The following PTPRF variants were observed in gnomAD, a reference collection of about 807,000 sequenced individuals.
PTPRF encodes protein tyrosine phosphatase receptor type F, also known as receptor-type tyrosine-protein phosphatase F.
PTPRF carries 59 observed loss-of-function variants against 201.8 expected under a neutral mutation model. That is an observed-to-expected ratio of 0.29 (90% CI 0.24 to 0.36). The LOEUF is 0.36. Among genes scored for constraint, PTPRF ranks in the 10% least tolerant of loss-of-function variants. The pLI is 1.00. For synonymous variants in PTPRF, 1,088 were observed against 1,089.7 expected (o/e 1.00, Z 0.03); for missense variants, 2,132 against 2,690.5 (o/e 0.79, Z 4.59).
At chr1:43,531,518 C>CG (rs1487888448) in intron 1 of PTPRF, among the ~76,000 whole-genome samples, 1 of 147,094 alleles carries the variant, frequency 6.8e-6, no homozygotes, top group East Asian at 2.0e-4. Context: ...CCCCCAGCCC[C>CG]GGGCTCCGGG....
chr1:43,583,959 A>G (rs975707706), intron 7 of PTPRF, among the ~76,000 whole-genome samples: 38 of 152,176 alleles, frequency 2.5e-4, no homozygotes, highest in African/African-American at 8.5e-4. Context: ...GAGTAACTGA[A>G]CGGTCAGCTG....
At chr1:43,559,195 GTGC>G (rs1200235792) in intron 5 of PTPRF, among the ~76,000 whole-genome samples, 1 of 152,022 alleles carries the variant, frequency 6.6e-6, no homozygotes, top group Non-Finnish European at 1.5e-5. Context: ...TGCAGCAGGG[GTGC>G]TGCCTTGCAA....
intron 22 of PTPRF, among the ~76,000 whole-genome samples, chr1:43,611,147 TC>T (rs2154029243): frequency 6.6e-6 from 1 of 152,348 alleles, no homozygotes; most frequent in South Asian, 2.1e-4. Context: ...TGAGGCTTCT[TC>T]AGGTGGCCTG....
At chr1:43,532,943 C>T (rs748650767) in intron 1 of PTPRF, among the ~76,000 whole-genome samples, 15 of 152,166 alleles carry the variant, frequency 9.9e-5, no homozygotes, top group Admixed American at 2.0e-4. Context: ...GCCCGCATGC[C>T]GGCCAGGGCT....
At chr1:43,561,527 T>C (rs918138499) in intron 5 of PTPRF, among the ~76,000 whole-genome samples, 4 of 152,124 alleles carry the variant, frequency 2.6e-5, no homozygotes, top group African/African-American at 7.2e-5. Flanking sequence ...GTCAACTACC[T>C]GATTTGCAGC....
chr1:43,620,586 G>A lies in PTPRF; in HGVS notation c.5364+7G>A. 10 of 1,612,720 alleles carry A rather than the reference G, an allele frequency of 6.2e-6. No individual in the cohort carries two copies. Among genetic ancestry groups the A allele is most frequent in the Non-Finnish European group, 7.6e-6 (9 of 1,179,160 alleles). ...CAAGGTCACGGATGCCCGGGTGAGT[G>A]AGTGCATTGAGTGTGTCCATAACGC... On this transcript the variant is annotated splice_region_variant and intron_variant, in intron 31 of 33. Coordinates refer to ENST00000359947, the MANE Select transcript of PTPRF (RefSeq NM_002840.5).
intron 13 of PTPRF, among the ~76,000 whole-genome samples, chr1:43,599,344 G>T (rs891483754): frequency 6.6e-6 from 1 of 152,196 alleles, no homozygotes; most frequent in Non-Finnish European, 1.5e-5. Flanking sequence ...CCAGAGTGCT[G>T]AGAATACAGG....
chr1:43,618,805 TG>T, intron 26 of PTPRF, 56 bp downstream of exon 26: 1 of 1,572,870 alleles, frequency 6.4e-7, no homozygotes, highest in Admixed American at 1.7e-5. Context: ...GACAGTGGCC[TG>T]GGTGTGGTGT....
intron 5 of PTPRF, among the ~76,000 whole-genome samples, chr1:43,563,192 A>AT (rs1553179457): frequency 2.6e-4 from 33 of 128,386 alleles, no homozygotes; most frequent in African/African-American, 8.4e-4. Flanking sequence ...AAAAAAAAAA[A>AT]AATAAGATTA....
intron 5 of PTPRF, among the ~76,000 whole-genome samples, chr1:43,565,806 C>T (rs1646127239): frequency 1.3e-5 from 2 of 152,130 alleles, no homozygotes; most frequent in Admixed American, 6.5e-5. Context: ...CAGGCGGGGG[C>T]GGGAAGGGCG....
At chr1:43,592,063 A>AG in intron 10 of PTPRF, 115 bp downstream of exon 10, 1 of 1,445,144 alleles carries the variant, frequency 6.9e-7, no homozygotes, top group Non-Finnish European at 9.5e-7. Flanking sequence ...CACAGCCTCT[A>AG]AGGTTTCTGC....
At chr1:43,595,175 G>A (rs1324617757) in intron 11 of PTPRF, among the ~76,000 whole-genome samples, 1 of 152,110 alleles carries the variant, frequency 6.6e-6, no homozygotes, top group African/African-American at 2.4e-5. Context: ...AGAGGGCCGT[G>A]GAGCTGAGGG....
In PTPRF at chr1:43,591,213, A is replaced by G; in HGVS notation, c.1191A>G (p.Arg397=). 6.2e-7 allele frequency: 1 copy of G among 1,604,788 alleles called. No homozygotes were observed. Among genetic ancestry groups the G allele is most frequent in the Non-Finnish European group, 8.5e-7 (1 of 1,175,606 alleles). ...FRVLAVNSIG[R]GPPSEAVRAR... ...TGCTGGCGGTGAACAGCATCGGGCGAGGGCCGCCCAGCGAGGCAGTGCGGG... is the reference window on the plus strand; with the variant it reads ...TGCTGGCGGTGAACAGCATCGGGCGGGGGCCGCCCAGCGAGGCAGTGCGGG... The change falls in exon 9 of 34, where the codon CGA becomes CGG. Residue 397 remains arginine (R), a synonymous_variant. Transcript: ENST00000359947.
At chr1:43,560,215 T>G (rs1199855006) in intron 5 of PTPRF, among the ~76,000 whole-genome samples, 1 of 144,386 alleles carries the variant, frequency 6.9e-6, no homozygotes, top group Non-Finnish European at 1.5e-5. Flanking sequence ...GACTGTGTGT[T>G]TGTATGCATC....
intron 11 of PTPRF, among the ~76,000 whole-genome samples, chr1:43,594,729 G>A (rs1651822071): frequency 6.6e-6 from 1 of 152,136 alleles, no homozygotes; most frequent in Admixed American, 6.6e-5. Flanking sequence ...TGGGAGGAGA[G>A]TGGTGCTGGC....
chr1:43,600,669 A>G (rs905156312), intron 13 of PTPRF, among the ~76,000 whole-genome samples: 2 of 150,904 alleles, frequency 1.3e-5, no homozygotes, highest in African/African-American at 5.0e-5. Flanking sequence ...CCAGCCTGGA[A>G]GTGTGGAGCC....
intron 5 of PTPRF, among the ~76,000 whole-genome samples, chr1:43,560,578 C>T (rs1645738502): frequency 6.6e-6 from 1 of 152,146 alleles, no homozygotes; most frequent in Non-Finnish European, 1.5e-5. Context: ...GTCAGTCTGG[C>T]ACTGGCAGGA....
intron 5 of PTPRF, among the ~76,000 whole-genome samples, chr1:43,566,723 G>A (rs1322080927): frequency 6.6e-6 from 1 of 152,212 alleles, no homozygotes; most frequent in Admixed American, 6.5e-5. Flanking sequence ...AGGGGCTGGA[G>A]CCCTCCTGTA....
chr1:43,525,456 CAG>C (rs1373075297), upstream of PTPRF, among the ~76,000 whole-genome samples: 1 of 152,110 alleles, frequency 6.6e-6, no homozygotes. Context: ...AAGCTGGAAA[CAG>C]AGGCCCAGCC....
Sources: gnomAD v4.1 joint callset for allele counts (sites outside exome capture counted in the v4.1 genomes callset) on GRCh38, gnomAD v4.1.1 for gene constraint, MANE v1.5 for transcripts, NCBI Gene and HGNC (gene_info 2026-07-23, HGNC 2026-07-21) for gene names.